The following CC2D1A variants were observed in gnomAD, a reference collection of about 807,000 sequenced individuals.
CC2D1A encodes coiled-coil and C2 domain containing 1A, also known as coiled-coil and C2 domain-containing protein 1A.
CC2D1A carries 68 observed loss-of-function variants against 123.8 expected under a neutral mutation model. That is an observed-to-expected ratio of 0.55 (90% CI 0.45 to 0.67). The LOEUF is 0.67. CC2D1A is among the 30% of genes least tolerant of loss of function. The probability of loss-of-function intolerance (pLI) is 0.00; values close to 1 mark genes in which losing one functional copy is unlikely to be tolerated. For synonymous variants in CC2D1A, 477 were observed against 528.0 expected (o/e 0.90, Z 1.32); for missense variants, 1,185 against 1,290.3 (o/e 0.92, Z 1.25).
intron 6 of CC2D1A, among the ~76,000 whole-genome samples, chr19:13,914,525 G>A (rs918234357): frequency 6.6e-6 from 1 of 151,494 alleles, no homozygotes; most frequent in East Asian, 1.9e-4. Flanking sequence ...TAGTAGAGAC[G>A]GGGTTTCACT....
At chr19:13,909,375 C>CA (rs1288958631) in intron 1 of CC2D1A, among the ~76,000 whole-genome samples, 14 of 144,234 alleles carry the variant, frequency 9.7e-5, no homozygotes, top group Admixed American at 2.1e-4. Flanking sequence ...GACTCTGTGT[C>CA]AAAAAAAAAC....
chr19:13,923,940 A>G lies in CC2D1A; in HGVS notation c.1940+129A>G. ...AGAAATTTTGGATAGGTGGAAGAGC[A>G]CAGAGCATGCAAAGGCTCTGGGGCA... is the stretch of plus-strand genomic sequence containing the variant. On this transcript the variant is annotated intron_variant, in intron 17 of 28. Transcript: ENST00000318003. This position sits in a 1 kb window ranked among gnomAD's most constrained non-coding sequence, Gnocchi z 5.3. 1.5e-6 allele frequency: 1 copy of G among 683,234 alleles called. No individual in the cohort carries two copies. Among genetic ancestry groups the G allele is most frequent in the Non-Finnish European group, 2.5e-6 (1 of 392,386 alleles). The allele number at this position is 683,234 out of a possible 1,614,324, so 42.3% of individuals were successfully genotyped here. A position where few individuals can be genotyped will look rare whatever the true frequency, so the allele number is the denominator to read the frequency against.
Position 13,909,856 on chromosome 19 carries a change from C to A in CC2D1A, c.94C>A (p.Leu32Met). Residue 32 changes from leucine to methionine, a missense_variant, in exon 2 of 29, where the codon CTG becomes ATG. Transcript: ENST00000318003. ...GCTGGTTGACCTCTCCCCAGATGGCCTGATGATCCCTGAGGACGGGGCTAA... is the reference window on the plus strand; with the variant it reads ...GCTGGTTGACCTCTCCCCAGATGGCATGATGATCCCTGAGGACGGGGCTAA... ...GLLVDLSPDG[L>M]MIPEDGANDE... is the part of the protein sequence containing the mutation. The A allele has an allele frequency of 6.3e-7, 1 of 1,580,578 alleles. No homozygotes were observed. Among genetic ancestry groups the A allele is most frequent in the Non-Finnish European group, 8.6e-7 (1 of 1,160,064 alleles).
intron 17 of CC2D1A, among the ~76,000 whole-genome samples, chr19:13,926,009 T>TATATACGTATATATATGTGTATATATATA (rs1971607146): frequency 8.0e-6 from 1 of 124,732 alleles, no homozygotes; most frequent in African/African-American, 4.1e-5. Flanking sequence ...TGTATATATA[T>TATATACGTATATATATGTGTATATATATA]ATATACGTAT....
At position 13,930,485 on chromosome 19, in the gene CC2D1A, C is replaced by A; in HGVS notation, c.*90C>A. The A allele has an allele frequency of 7.1e-7, 1 of 1,403,148 alleles. No individual in the cohort carries two copies. Among genetic ancestry groups the A allele is most frequent in the Non-Finnish European group, 9.5e-7 (1 of 1,048,272 alleles). The allele number at this position is 1,403,148 out of a possible 1,614,324, so 86.9% of individuals were successfully genotyped here. On this transcript the variant is annotated 3_prime_UTR_variant, in exon 29 of 29. Transcript: ENST00000318003. This position sits in a 1 kb window ranked among gnomAD's most constrained non-coding sequence, Gnocchi z 6.8. ...CACAGCCACGAACCAGACAAGCAGA[C>A]AATCAGCGGACAATCGGTTCTGGAC...
chr19:13,926,623 G>T, intron 18 of CC2D1A, 33 bp downstream of exon 18: 1 of 1,614,096 alleles, frequency 6.2e-7, no homozygotes, highest in Middle Eastern at 1.6e-4. Context: ...TCAGGGTCAT[G>T]GGGACCCCCT....
rs547720646 is a variant in CC2D1A, at chr19:13,918,061, C to A, written c.749-9C>A. 6.2e-7 allele frequency: 1 copy of A among 1,613,030 alleles called. No individual in the cohort carries two copies. Among genetic ancestry groups the A allele is most frequent in the East Asian group, 2.2e-5 (1 of 44,844 alleles). ...CTGGAGGCTTCCTGTATGTTGTTCTCCCTTCCAGGTCCCTGCAGCCCTGGC... is the reference window on the plus strand; with the variant it reads ...CTGGAGGCTTCCTGTATGTTGTTCTACCTTCCAGGTCCCTGCAGCCCTGGC... On this transcript the variant is annotated splice_polypyrimidine_tract_variant and intron_variant, in intron 6 of 28. Transcript: ENST00000318003.
intron 2 of CC2D1A, among the ~76,000 whole-genome samples, chr19:13,911,341 C>G (rs1016428835): frequency 4.6e-5 from 7 of 152,178 alleles, no homozygotes; most frequent in Non-Finnish European, 8.8e-5. Context: ...TGTAACATAA[C>G]TAATAACAAG....
In CC2D1A at chr19:13,909,882, C is replaced by T. The variant is rs747892591; in HGVS notation, c.120C>T (p.Asn40=). 30 of 1,569,690 alleles carry T rather than the reference C, an allele frequency of 1.9e-5. No homozygotes were observed. The highest frequency in any genetic ancestry group is 1.6e-4 in the African/African-American group (12 of 73,596). ...TGATGATCCCTGAGGACGGGGCTAACGATGAAGAACTGGAGGCTGAGTTCT... is the reference window on the plus strand; with the variant it reads ...TGATGATCCCTGAGGACGGGGCTAATGATGAAGAACTGGAGGCTGAGTTCT... ...DGLMIPEDGA[N]DEELEAEFLA... Residue 40 remains asparagine, a synonymous_variant, in exon 2 of 29, where the codon AAC becomes AAT. Transcript: ENST00000318003.
chr19:13,911,472 C>T (rs1336586463), intron 2 of CC2D1A, among the ~76,000 whole-genome samples: 1 of 151,700 alleles, frequency 6.6e-6, no homozygotes, highest in Non-Finnish European at 1.5e-5. Context: ...AGAGAGGTGA[C>T]ATCACTTGCC....
chr19:13,907,452 G>A (rs908305012), intron 1 of CC2D1A, among the ~76,000 whole-genome samples: 5 of 151,936 alleles, frequency 3.3e-5, no homozygotes, highest in African/African-American at 1.2e-4. Context: ...GTCCGGGGTG[G>A]TGTCTCACAC....
chr19:13,906,476 G>GAC lies in CC2D1A; in HGVS notation c.35_36insAC (p.Arg13ProfsTer21). On this transcript the variant is annotated frameshift_variant, in exon 1 of 29. Transcript: ENST00000318003. LOFTEE classifies it high-confidence loss of function. This position sits in a 1 kb window ranked among gnomAD's most constrained non-coding sequence, Gnocchi z 4.1. ...AGGAAAGGACCCCCGGGACCCCCGGGCAGAGGCGCCGCGGCCGCCCGCCAG... is the reference window on the plus strand; with the variant it reads ...AGGAAAGGACCCCCGGGACCCCCGGGACCAGAGGCGCCGCGGCCGCCCGCCAG... 6.6e-7 allele frequency: 1 copy of GAC among 1,514,628 alleles called. No homozygotes were observed. Among genetic ancestry groups the GAC allele is most frequent in the Admixed American group, 2.1e-5 (1 of 47,742 alleles). The allele number at this position is 1,514,628 out of a possible 1,614,324, so 93.8% of individuals were successfully genotyped here.
Position 13,906,473 on chromosome 19 carries a change from C to G in CC2D1A, c.32C>G (p.Pro11Arg). 1 of 1,514,686 alleles carries G rather than the reference C, an allele frequency of 6.6e-7. No individual in the cohort carries two copies. Among genetic ancestry groups the G allele is most frequent in the South Asian group, 1.2e-5 (1 of 81,554 alleles). 93.8% of individuals were successfully genotyped at this position (1,514,686 alleles called of 1,614,324 possible). MHKRKGPPGP[P>R]GRGAAAARQL... ...AAGAGGAAAGGACCCCCGGGACCCC[C>G]GGGCAGAGGCGCCGCGGCCGCCCGC... Residue 11 changes from proline to arginine, a missense_variant, in exon 1 of 29, where the codon CCG becomes CGG. Pro to Arg is a moderately radical substitution (Grantham distance 103). Transcript: ENST00000318003. The surrounding 1 kb of genome is among the most constrained non-coding windows in gnomAD (Gnocchi z 4.1).
At chr19:13,920,992 G>A (rs1049330176) in intron 14 of CC2D1A, 70 bp downstream of exon 14, 39 of 1,433,356 alleles carry the variant, frequency 2.7e-5, no homozygotes, top group Non-Finnish European at 3.1e-5. Flanking sequence ...TAGCAGCCAC[G>A]TGAACTAGAA....
Position 13,927,886 on chromosome 19 carries a change from C to T in CC2D1A, c.2317-7C>T, listed in dbSNP as rs760941632. On this transcript the variant is annotated splice_region_variant and splice_polypyrimidine_tract_variant and intron_variant, in intron 22 of 28. Transcript: ENST00000318003. The stretch of plus-strand genomic sequence containing the variant: ...CCCACCAACAGTTTCTCCTTACCCC[C>T]ACCCAGGTCCTGGATGGTCGCCGGC... 2 of 1,613,014 alleles carry T rather than the reference C, an allele frequency of 1.2e-6. No homozygotes were observed. The highest frequency in any genetic ancestry group is 2.7e-5 in the African/African-American group (2 of 74,934).
intron 22 of CC2D1A, 113 bp downstream of exon 22, chr19:13,927,378 T>G: frequency 1.2e-6 from 1 of 850,534 alleles, no homozygotes. Flanking sequence ...ACCCAGCCCC[T>G]CCCCTCAGAG....
intron 7 of CC2D1A, 110 bp from the exon 8 acceptor site, chr19:13,918,394 G>C: frequency 8.4e-7 from 1 of 1,189,886 alleles, no homozygotes; most frequent in Non-Finnish European, 1.2e-6. Flanking sequence ...GGCACAAATG[G>C]AAGGGAGGGA....
At chr19:13,909,279 G>A (rs1391749102) in intron 1 of CC2D1A, among the ~76,000 whole-genome samples, 1 of 152,044 alleles carries the variant, frequency 6.6e-6, no homozygotes, top group African/African-American at 2.4e-5. Flanking sequence ...GGGATGTTGA[G>A]GCAGGAGAAT....
intron 17 of CC2D1A, among the ~76,000 whole-genome samples, chr19:13,925,896 G>A (rs1946775083): frequency 7.5e-6 from 1 of 134,058 alleles, no homozygotes; most frequent in African/African-American, 3.0e-5. Context: ...CTCCAGCCTG[G>A]GCGACAGAGC....
Sources: allele counts gnomAD v4.1 joint callset (sites outside exome capture counted in the v4.1 genomes callset), GRCh38; gene constraint gnomAD v4.1.1; non-coding constraint Gnocchi (gnomAD v3.1); transcripts MANE v1.5; gene names NCBI Gene and HGNC (gene_info 2026-07-23, HGNC 2026-07-21).